The following RAB3C variants were observed in gnomAD, a reference collection of about 807,000 sequenced individuals.
RAB3C encodes ras-related protein Rab-3C.
In RAB3C, 17 loss-of-function variants were observed where a neutral mutation model predicts 26.4. The observed-to-expected ratio is 0.64, with a 90% CI of 0.44 to 0.97. RAB3C has a LOEUF of 0.97. Among genes scored for constraint, RAB3C ranks in the 50% least tolerant of loss-of-function variants. RAB3C has a pLI of 0.00. For synonymous variants in RAB3C, 91 were observed against 95.9 expected, an observed-to-expected ratio of 0.95 and a Z score of 0.30; for missense variants, 242 against 281.9, an observed-to-expected ratio of 0.86 and a Z score of 1.01.
At chr5:58,713,945 G>A (rs1456321777) in intron 2 of RAB3C, among the ~76,000 whole-genome samples, 3 of 152,146 alleles carry the variant, frequency 2.0e-5, no homozygotes, top group African/African-American at 7.2e-5. Context: ...TTCTAGAATT[G>A]TTATAAGATA....
chr5:58,668,514 T>A (rs941229559), intron 2 of RAB3C, among the ~76,000 whole-genome samples: 5 of 152,158 alleles, frequency 3.3e-5, no homozygotes, highest in Admixed American at 6.5e-5. Flanking sequence ...ATGGTTTTCA[T>A]GAGTCCCACA....
At chr5:58,664,373 G>A (rs930406870) in intron 2 of RAB3C, among the ~76,000 whole-genome samples, 49 of 152,082 alleles carry the variant, frequency 3.2e-4, no homozygotes, top group African/African-American at 1.1e-3. Flanking sequence ...AATCTCCAAA[G>A]GTCATATATT....
At chr5:58,836,729 G>T (rs565816092) in intron 4 of RAB3C, among the ~76,000 whole-genome samples, 8 of 152,036 alleles carry the variant, frequency 5.3e-5, no homozygotes, top group African/African-American at 1.4e-4. Flanking sequence ...TTTTTTTATA[G>T]TTGGGCATAT....
At chr5:58,816,635 G>A (rs6897585) in intron 3 of RAB3C, among the ~76,000 whole-genome samples, 51,587 of 151,986 alleles carry the variant, frequency 0.34, 9,657 homozygotes, top group African/African-American at 0.5. Flanking sequence ...TGTAATTTGC[G>A]TTTTACTTAA....
intron 3 of RAB3C, among the ~76,000 whole-genome samples, chr5:58,767,965 C>A (rs1741944696): frequency 6.6e-6 from 1 of 152,110 alleles, no homozygotes; most frequent in Non-Finnish European, 1.5e-5. Flanking sequence ...TCTCTGACAT[C>A]TAAACTGAAC....
At chr5:58,616,127 A>G (rs949319797) in intron 1 of RAB3C, among the ~76,000 whole-genome samples, 3 of 152,140 alleles carry the variant, frequency 2.0e-5, no homozygotes, top group African/African-American at 7.2e-5. Flanking sequence ...CCAAAGAGAA[A>G]CAAGTAACTA....
chr5:58,677,959 G>C (rs1407390426), intron 2 of RAB3C, among the ~76,000 whole-genome samples: 3 of 130,538 alleles, frequency 2.3e-5, no homozygotes, highest in African/African-American at 8.1e-5. Flanking sequence ...TTACTGGCAG[G>C]TAGTAGCTAG....
rs549106770 is a variant in RAB3C at position 58,643,625 on chromosome 5, G to A, written c.252+25755G>A. ...TGGGAGGTGAAGGTTCCAGTGAGCCGAGATTGCAATACTGCACTCCAACAT... is the reference window on the plus strand; with the variant it reads ...TGGGAGGTGAAGGTTCCAGTGAGCCAAGATTGCAATACTGCACTCCAACAT... On this transcript the variant is annotated intron_variant, in intron 2 of 4. Coordinates refer to ENST00000282878, the MANE Select transcript of RAB3C (RefSeq NM_138453.4). Among the ~76,000 whole-genome samples the A allele has an allele frequency of 5.9e-5, 9 of 152,132 alleles. 1 individual carries two copies. Among genetic ancestry groups the A allele is most frequent in the African/African-American group, 1.2e-4 (5 of 41,486 alleles).
chr5:58,802,692 C>T (rs1461477370), intron 3 of RAB3C, among the ~76,000 whole-genome samples: 1 of 152,116 alleles, frequency 6.6e-6, no homozygotes, highest in African/African-American at 2.4e-5. Context: ...GGTGAGATCA[C>T]ATAAGGGTAT....
intron 2 of RAB3C, among the ~76,000 whole-genome samples, chr5:58,723,386 G>C (rs940158610): frequency 1.3e-5 from 2 of 151,866 alleles, no homozygotes; most frequent in Admixed American, 1.3e-4. Context: ...TGCTCCAAGA[G>C]TAGAATATAA....
intron 3 of RAB3C, among the ~76,000 whole-genome samples, chr5:58,763,703 T>C (rs1741841356): frequency 6.6e-6 from 1 of 152,198 alleles, no homozygotes; most frequent in South Asian, 2.1e-4. Flanking sequence ...AAGATAGATA[T>C]ATAATAAAAT....
intron 2 of RAB3C, among the ~76,000 whole-genome samples, chr5:58,640,066 A>G (rs1747381584): frequency 6.6e-6 from 1 of 152,192 alleles, no homozygotes; most frequent in South Asian, 2.1e-4. Context: ...GGCATAATAT[A>G]AAAGTGCAGT....
intron 1 of RAB3C, among the ~76,000 whole-genome samples, chr5:58,612,487 G>GGTGTGTGTGTGT (rs372157686): frequency 6.2e-5 from 7 of 113,036 alleles, no homozygotes; most frequent in African/African-American, 2.4e-4. Flanking sequence ...TGTGTTCCTA[G>GGTGTGTGTGTGT]GTGTGTGTGT....
intron 3 of RAB3C, among the ~76,000 whole-genome samples, chr5:58,761,063 T>TCACACACACACACACACACA (rs3060342): frequency 2.1e-5 from 3 of 144,718 alleles, no homozygotes; most frequent in African/African-American, 7.7e-5. Flanking sequence ...TCTCTCTCTC[T>TCACACACACACACACACACA]CACACACACA....
chr5:58,793,868 A>G (rs1018457057), intron 3 of RAB3C, among the ~76,000 whole-genome samples: 1 of 152,150 alleles, frequency 6.6e-6, no homozygotes, highest in Non-Finnish European at 1.5e-5. Flanking sequence ...TTAAATATCT[A>G]TGGTCCTGAT....
At chr5:58,593,785 A>G (rs964862095) in intron 1 of RAB3C, among the ~76,000 whole-genome samples, 2 of 152,198 alleles carry the variant, frequency 1.3e-5, no homozygotes, top group African/African-American at 4.8e-5. Context: ...TTCACTAAAC[A>G]ATGAAGCCAT....
intron 3 of RAB3C, among the ~76,000 whole-genome samples, chr5:58,812,059 T>C (rs575224260): frequency 1.3e-5 from 2 of 152,288 alleles, no homozygotes; most frequent in East Asian, 3.9e-4. Context: ...CAACAAATAG[T>C]AAGGGAGTCA....
At position 58,771,292 on chromosome 5, in the gene RAB3C, T is replaced by C. The variant is rs377063533; in HGVS notation, c.371+45172T>C. On this transcript the variant is annotated intron_variant, in intron 3 of 4. Coordinates refer to ENST00000282878, the MANE Select transcript of RAB3C (RefSeq NM_138453.4). The stretch of plus-strand genomic sequence containing the variant: ...ATTTATATAAATATGGGTATACATA[T>C]GTAAGAAGTCCTGCTTTAAAAGAGA... 8.5e-5 allele frequency among the ~76,000 whole-genome samples: 13 copies of C among 152,234 alleles called. No individual in the cohort carries two copies. The East Asian group carries it at 1.9e-3, about 23-fold the overall frequency.
intron 3 of RAB3C, among the ~76,000 whole-genome samples, chr5:58,730,744 A>T (rs1740997734): frequency 6.6e-6 from 1 of 152,136 alleles, no homozygotes; most frequent in South Asian, 2.1e-4. Flanking sequence ...TTCCCTTTTC[A>T]AAAAACATTT....
Sources: allele counts gnomAD v4.1 joint callset (sites outside exome capture counted in the v4.1 genomes callset), GRCh38; gene constraint gnomAD v4.1.1; transcripts MANE v1.5; gene names NCBI Gene and HGNC (gene_info 2026-07-23, HGNC 2026-07-21).